GOLM2: variants seen among roughly 807,000 people sequenced by gnomAD.
The protein encoded by GOLM2 is protein GOLM2.
A neutral mutation model predicts 55.9 loss-of-function variants in GOLM2; 26 were observed. The observed-to-expected ratio is 0.47, with a 90% CI of 0.34 to 0.65. The LOEUF (loss-of-function observed/expected upper bound fraction) is 0.65. GOLM2 is among the 30% of genes least tolerant of loss of function. GOLM2 has a pLI of 0.01. For synonymous variants in GOLM2, 165 were observed against 194.6 expected (o/e 0.85, Z 1.27); for missense variants, 486 against 531.8 (o/e 0.91, Z 0.85).
chr15:44,362,025 G>A (rs1340790945), intron 6 of GOLM2, among the ~76,000 whole-genome samples: 1 of 152,106 alleles, frequency 6.6e-6, no homozygotes, highest in African/African-American at 2.4e-5. Flanking sequence ...AATAAATTAG[G>A]TATTGATGGA....
chr15:44,404,062 T>C (rs1257598103), intron 9 of GOLM2, among the ~76,000 whole-genome samples: 2 of 152,200 alleles, frequency 1.3e-5, no homozygotes, highest in East Asian at 3.8e-4. Flanking sequence ...TATTACAAGT[T>C]TTTAGGCTAG....
intron 8 of GOLM2, among the ~76,000 whole-genome samples, chr15:44,389,244 T>C (rs927043195): frequency 1.1e-4 from 17 of 152,190 alleles, no homozygotes; most frequent in African/African-American, 3.4e-4. Flanking sequence ...AAAAATTTCA[T>C]TGTGGCCGGG....
Position 44,379,781 on chromosome 15 carries a change from G to A in GOLM2, c.894G>A (p.Met298Ile). ...CTGGACAACCTCTCTCCCCAAATAT[G>A]CCTCCAGGTATGAAGGCTTATGCTT... ...LPTGQPLSPN[M>I]PPDSHINHNG... is the part of the protein sequence containing the mutation. The change falls in exon 7 of 10, where the codon ATG (methionine) becomes ATA (isoleucine). Residue 298 changes from methionine (M) to isoleucine (I), a missense_variant. Physicochemically the swap from Met to Ile is conservative, Grantham distance 10. Transcript: ENST00000299957. The A allele has an allele frequency of 2.5e-6, 4 of 1,597,736 alleles. No homozygotes were observed. Among genetic ancestry groups the A allele is most frequent in the Non-Finnish European group, 3.4e-6 (4 of 1,165,728 alleles).
At chr15:44,388,030 G>T (rs1408151701) in intron 8 of GOLM2, among the ~76,000 whole-genome samples, 2 of 150,610 alleles carry the variant, frequency 1.3e-5, no homozygotes, top group Admixed American at 6.6e-5. Flanking sequence ...GTGCAGTGGC[G>T]CAATCTCAGC....
intron 8 of GOLM2, among the ~76,000 whole-genome samples, chr15:44,397,575 TTC>T (rs2079536540): frequency 6.6e-6 from 1 of 151,682 alleles, no homozygotes; most frequent in African/African-American, 2.4e-5. Flanking sequence ...CCCTCATTAC[TTC>T]TTTTTTCTCT....
At chr15:44,386,974 A>G (rs1238821053) in intron 8 of GOLM2, among the ~76,000 whole-genome samples, 1 of 152,058 alleles carries the variant, frequency 6.6e-6, no homozygotes, top group Non-Finnish European at 1.5e-5. Context: ...CAGGAGTTTG[A>G]TACCAGCCTG....
chr15:44,386,227 G>T (rs1310688692), intron 8 of GOLM2, among the ~76,000 whole-genome samples: 1 of 152,102 alleles, frequency 6.6e-6, no homozygotes, highest in Non-Finnish European at 1.5e-5. Flanking sequence ...TTTGAGGTAA[G>T]GTCTAACATA....
intron 6 of GOLM2, among the ~76,000 whole-genome samples, chr15:44,359,150 A>C (rs2079218369): frequency 6.6e-6 from 1 of 151,826 alleles, no homozygotes. Flanking sequence ...ACTCTGTCTC[A>C]AAAAATAATA....
chr15:44,338,440 A>G (rs2141147035), intron 6 of GOLM2, 123 bp downstream of exon 6: 1 of 675,808 alleles, frequency 1.5e-6, no homozygotes, highest in East Asian at 2.9e-5. Context: ...ATTTCTACTT[A>G]ATTAAGTACC....
At chr15:44,331,877 C>G (rs954726950) in intron 3 of GOLM2, 111 bp from the exon 4 acceptor site, 18 of 715,478 alleles carry the variant, frequency 2.5e-5, no homozygotes, top group Non-Finnish European at 3.9e-5. Flanking sequence ...CCAGCCCACT[C>G]TCCCCTGCTA....
chr15:44,380,835 G>A lies in GOLM2; in HGVS notation c.931G>A (p.Gly311Ser), dbSNP rs200052109. 4.2e-5 allele frequency: 66 copies of A among 1,573,240 alleles called. No individual in the cohort carries two copies. In the African/African-American group the frequency reaches 5.0e-4, roughly 12 times the overall value. Residue 311 changes from glycine to serine, a missense_variant, in exon 8 of 10, where the codon GGT (glycine) becomes AGT (serine). Gly to Ser is a moderately conservative substitution (Grantham distance 56). Coordinates refer to ENST00000299957, the MANE Select transcript of GOLM2 (RefSeq NM_138423.4). ...DSHINHNGNP[G>S]TSKQNPSSPL... ...ACACATAAACCACAATGGAAACCCC[G>A]GTACTTCAAAACAGAATCCTTCCAG...
At chr15:44,353,867 G>T (rs1899929977) in intron 6 of GOLM2, among the ~76,000 whole-genome samples, 1 of 152,148 alleles carries the variant, frequency 6.6e-6, no homozygotes, top group Admixed American at 6.5e-5. Flanking sequence ...TCTGGTATTT[G>T]ATAGAACAGC....
At chr15:44,349,881 C>T (rs1321421069) in intron 6 of GOLM2, among the ~76,000 whole-genome samples, 1 of 152,112 alleles carries the variant, frequency 6.6e-6, no homozygotes, top group African/African-American at 2.4e-5. Flanking sequence ...AAACAATATG[C>T]TCCTGAGTCA....
intron 8 of GOLM2, among the ~76,000 whole-genome samples, chr15:44,398,734 T>C (rs1197979418): frequency 7.1e-6 from 1 of 140,596 alleles, no homozygotes; most frequent in Non-Finnish European, 1.5e-5. Context: ...TAGAGCAATC[T>C]CAGCTCACTG....
intron 1 of GOLM2, among the ~76,000 whole-genome samples, chr15:44,298,254 C>CTTTTCT (rs1262892830): frequency 4.0e-5 from 6 of 150,450 alleles, no homozygotes. Flanking sequence ...GCTTTTCCTT[C>CTTTTCT]TTTTCTTTTT....
chr15:44,302,933 T>A (rs1287124788), intron 1 of GOLM2, among the ~76,000 whole-genome samples: 1 of 151,974 alleles, frequency 6.6e-6, no homozygotes, highest in African/African-American at 2.4e-5. Flanking sequence ...TGAAACCCCG[T>A]CTCTACTAAA....
chr15:44,338,878 T>C lies in GOLM2; in HGVS notation c.802+561T>C, dbSNP rs138386967. 5.7e-4 allele frequency among the ~76,000 whole-genome samples: 86 copies of C among 152,210 alleles called. 2 individuals are homozygous for C. Among genetic ancestry groups the C allele is most frequent in the African/African-American group, 2.0e-3 (85 of 41,562 alleles). Reference sequence around the variant, plus strand: ...GTGTCTGCTGCTTATCCATTTTCACTTGAAGGCCTGCTCCCACTTGCTGCT... The same window carrying C: ...GTGTCTGCTGCTTATCCATTTTCACCTGAAGGCCTGCTCCCACTTGCTGCT... On this transcript the variant is annotated intron_variant, in intron 6 of 9. Transcript: ENST00000299957.
At chr15:44,341,379 A>G (rs936144068) in intron 6 of GOLM2, among the ~76,000 whole-genome samples, 2 of 151,200 alleles carry the variant, frequency 1.3e-5, no homozygotes, top group African/African-American at 4.9e-5. Context: ...CACGCCTGGC[A>G]TATTTCCACA....
intron 8 of GOLM2, among the ~76,000 whole-genome samples, chr15:44,388,859 G>A (rs188965180): frequency 1.2e-4 from 18 of 150,578 alleles, no homozygotes; most frequent in East Asian, 5.9e-4. Flanking sequence ...TCTGTCGCCC[G>A]TGCTGGAGTG....
Sources: allele counts gnomAD v4.1 joint callset (sites outside exome capture counted in the v4.1 genomes callset), GRCh38; gene constraint gnomAD v4.1.1; transcripts MANE v1.5; gene names NCBI Gene and HGNC (gene_info 2026-07-23, HGNC 2026-07-21).